Variants in CCDC141 observed in about 807,000 individuals in gnomAD.
CCDC141 encodes the protein coiled-coil domain-containing protein 141.
Under a neutral mutation model 181.0 loss-of-function variants are expected in CCDC141, and 168 were observed. That is an observed-to-expected ratio of 0.93 (90% CI 0.82 to 1.05). The LOEUF (loss-of-function observed/expected upper bound fraction) is 1.05. Ranked by LOEUF, CCDC141 falls within the 50% of genes least tolerant of loss-of-function variation. The pLI is 0.00. For missense variants in CCDC141, 1,902 were observed against 1,788.5 expected (o/e 1.06, Z -1.14); for synonymous variants, 666 against 642.3 (o/e 1.04, Z -0.56).
chr2:178,938,147 A>C (rs1689363865), intron 6 of CCDC141, among the ~76,000 whole-genome samples: 1 of 151,864 alleles, frequency 6.6e-6, no homozygotes, highest in South Asian at 2.1e-4. Context: ...TTTCTGTTGC[A>C]ATGATAGGTT....
At chr2:178,887,915 C>T (rs1686964614) in intron 9 of CCDC141, among the ~76,000 whole-genome samples, 1 of 152,096 alleles carries the variant, frequency 6.6e-6, no homozygotes, top group African/African-American at 2.4e-5. Context: ...TTTATTTAGT[C>T]AAATTGTAGC....
At chr2:178,853,315 T>A in intron 20 of CCDC141, 126 bp downstream of exon 20, 2 of 786,594 alleles carry the variant, frequency 2.5e-6, no homozygotes, top group Non-Finnish European at 4.0e-6. Context: ...ACCTTGAACA[T>A]TTTCCCTGAA....
chr2:178,834,895 C>T (rs975393877), intron 23 of CCDC141, among the ~76,000 whole-genome samples: 5 of 151,150 alleles, frequency 3.3e-5, no homozygotes, highest in East Asian at 2.0e-4. Context: ...CAACTGGTGG[C>T]GAGAGAATTG....
chr2:178,938,081 G>A (rs1223555063), intron 6 of CCDC141, among the ~76,000 whole-genome samples: 1 of 151,834 alleles, frequency 6.6e-6, no homozygotes, highest in African/African-American at 2.4e-5. Context: ...TCTGATTTGG[G>A]TTACTTCTTG....
intron 2 of CCDC141, among the ~76,000 whole-genome samples, chr2:178,991,459 G>C (rs935691221): frequency 6.6e-6 from 1 of 151,912 alleles, no homozygotes. Context: ...ATTTTAAAAA[G>C]AACAAAATGT....
In CCDC141 at chr2:178,893,197, G is replaced by A. The variant is rs1445208311; in HGVS notation, c.1266-4529C>T. Among the ~76,000 whole-genome samples, 3 of 150,200 alleles carry A rather than the reference G, an allele frequency of 2.0e-5. No homozygotes were observed. The East Asian group carries it at 6.0e-4, about 30-fold the overall frequency. Reference sequence around the variant, plus strand: ...TTATTCATTGAGCCAATAGAGGGAAGTGGAGGGGGAAGAAAAATAATTGCT... The same window carrying A: ...TTATTCATTGAGCCAATAGAGGGAAATGGAGGGGGAAGAAAAATAATTGCT... On this transcript the variant is annotated intron_variant, in intron 8 of 23. Coordinates refer to ENST00000443758, the MANE Select transcript of CCDC141 (RefSeq NM_173648.4).
At chr2:179,033,755 A>T (rs768899632) in intron 2 of CCDC141, among the ~76,000 whole-genome samples, 1 of 152,168 alleles carries the variant, frequency 6.6e-6, no homozygotes, top group Non-Finnish European at 1.5e-5. Context: ...ATTTTAAAGG[A>T]CTACCTTCTA....
Position 178,834,020 on chromosome 2 carries a change from AT to A in CCDC141, c.*152del, listed in dbSNP as rs1684367509. The A allele has an allele frequency of 2.7e-6, 2 of 734,940 alleles. No homozygotes were observed. Among genetic ancestry groups the A allele is most frequent in the East Asian group, 5.5e-5 (2 of 36,632 alleles). 45.5% of individuals were successfully genotyped at this position (734,940 alleles called of 1,614,324 possible). Reference sequence around the variant, plus strand: ...ATTAAACGCTCCAGAAAATTTGATTATTTCACCTAGCAGTGGTATTAGCCAA... The same window carrying A: ...ATTAAACGCTCCAGAAAATTTGATTATTCACCTAGCAGTGGTATTAGCCAA... On this transcript the variant is annotated 3_prime_UTR_variant, in exon 24 of 24. Transcript: ENST00000443758.
Position 178,944,647 on chromosome 2 carries a change from G to A in CCDC141, c.785C>T (p.Thr262Ile), listed in dbSNP as rs765053968. ...TCTTATAGTTTTCTGAAACCAACAA[G>A]TAACCTAGGTAAAAGGCAACAAAGA... ...CQWDQQENQV[T>I]CWFQKTIRNL... The change falls in exon 6 of 24, where the codon ACT becomes ATT. Residue 262 changes from threonine (T) to isoleucine (I), a missense_variant. Thr to Ile is a moderately conservative substitution (Grantham distance 89). Transcript: ENST00000443758. 1 of 1,431,326 alleles carries A rather than the reference G, an allele frequency of 7.0e-7. No homozygotes were observed. Among genetic ancestry groups the A allele is most frequent in the South Asian group, 1.3e-5 (1 of 75,920 alleles). 88.7% of individuals were successfully genotyped at this position (1,431,326 alleles called of 1,614,324 possible).
At chr2:179,037,631 G>T (rs1236779175) in intron 2 of CCDC141, among the ~76,000 whole-genome samples, 1 of 152,066 alleles carries the variant, frequency 6.6e-6, no homozygotes, top group Non-Finnish European at 1.5e-5. Context: ...AATATAAAAA[G>T]AACTTCTACA....
At chr2:179,042,494 C>T (rs1015338564) in intron 2 of CCDC141, among the ~76,000 whole-genome samples, 8 of 152,198 alleles carry the variant, frequency 5.3e-5, no homozygotes, top group Non-Finnish European at 8.8e-5. Flanking sequence ...ATTACAGGCA[C>T]GCACCACTAC....
At chr2:179,004,523 A>T (rs1000485166) in intron 2 of CCDC141, among the ~76,000 whole-genome samples, 1 of 152,190 alleles carries the variant, frequency 6.6e-6, no homozygotes, top group Non-Finnish European at 1.5e-5. Context: ...ATTTGAATTA[A>T]TAAATACTTT....
intron 11 of CCDC141, among the ~76,000 whole-genome samples, chr2:178,883,456 A>C (rs1686722568): frequency 6.6e-6 from 1 of 152,246 alleles, no homozygotes; most frequent in Non-Finnish European, 1.5e-5. Context: ...AAAGCTAAAA[A>C]GAAGTCAGAA....
chr2:178,954,630 C>T (rs1267093830), intron 5 of CCDC141, among the ~76,000 whole-genome samples: 1 of 152,002 alleles, frequency 6.6e-6, no homozygotes, highest in Non-Finnish European at 1.5e-5. Context: ...TTTAAATGGC[C>T]CTTATGAGAG....
At chr2:178,938,452 G>A (rs1391748633) in intron 6 of CCDC141, among the ~76,000 whole-genome samples, 1 of 152,140 alleles carries the variant, frequency 6.6e-6, no homozygotes, top group Non-Finnish European at 1.5e-5. Context: ...GCTGTGGTCT[G>A]AGAGTGTGTT....
intron 1 of CCDC141, among the ~76,000 whole-genome samples, chr2:179,049,095 G>T (rs1234403487): frequency 6.6e-6 from 1 of 151,964 alleles, no homozygotes; most frequent in Non-Finnish European, 1.5e-5. Context: ...TTTTTACAGG[G>T]CATTTCCATG....
chr2:178,834,608 T>A (rs1198558397), intron 23 of CCDC141, among the ~76,000 whole-genome samples, 168 bp from the exon 24 acceptor site: 1 of 152,058 alleles, frequency 6.6e-6, no homozygotes, highest in Non-Finnish European at 1.5e-5. Context: ...TCTTTTTTTC[T>A]TTAGTAGGCT....
At chr2:178,991,531 T>C (rs1692053928) in intron 2 of CCDC141, among the ~76,000 whole-genome samples, 1 of 152,064 alleles carries the variant, frequency 6.6e-6, no homozygotes, top group Non-Finnish European at 1.5e-5. Context: ...TACCAGAGGC[T>C]AGGAGGGTAA....
At chr2:179,039,671 AC>A (rs2043241366) in intron 2 of CCDC141, among the ~76,000 whole-genome samples, 1 of 152,128 alleles carries the variant, frequency 6.6e-6, no homozygotes, top group Non-Finnish European at 1.5e-5. Context: ...AAGACCCTGT[AC>A]ATACAAAAAG....
Sources: gnomAD v4.1 joint callset for allele counts (sites outside exome capture counted in the v4.1 genomes callset) on GRCh38, gnomAD v4.1.1 for gene constraint, MANE v1.5 for transcripts, NCBI Gene and HGNC (gene_info 2026-07-23, HGNC 2026-07-21) for gene names.